NRCAM: variants seen among roughly 807,000 people sequenced by gnomAD.
NRCAM encodes neuronal cell adhesion molecule.
In NRCAM, 83 loss-of-function variants were observed where a neutral mutation model predicts 156.5. That is an observed-to-expected ratio of 0.53 (90% CI 0.44 to 0.64). NRCAM has a LOEUF of 0.64. Ranked by LOEUF, NRCAM falls within the 30% of genes least tolerant of loss-of-function variation. The pLI, the probability that NRCAM is intolerant of heterozygous loss-of-function variation, is 0.00. For missense variants in NRCAM, 1,417 were observed against 1,597.3 expected, an observed-to-expected ratio of 0.89 and a Z score of 1.92; for synonymous variants, 538 against 563.9, an observed-to-expected ratio of 0.95 and a Z score of 0.65.
chr7:108,353,532 GCTGGTCTTGAA>G (rs1469446581), intron 2 of NRCAM, among the ~76,000 whole-genome samples: 3 of 151,944 alleles, frequency 2.0e-5, no homozygotes, highest in African/African-American at 2.4e-5. Flanking sequence ...TGTTGCCTAG[GCTGGTCTTGAA>G]CTCCTGGGCT....
At chr7:108,334,988 T>C (rs1280202527) in intron 2 of NRCAM, among the ~76,000 whole-genome samples, 1 of 152,218 alleles carries the variant, frequency 6.6e-6, no homozygotes, top group Non-Finnish European at 1.5e-5. Flanking sequence ...TGTTGAACCC[T>C]TCTATCACTG....
rs1164513913 is a variant in NRCAM, at chr7:108,184,531, C to A, written c.2119G>T (p.Ala707Ser). 6.2e-7 allele frequency: 1 copy of A among 1,614,078 alleles called. No individual in the cohort carries two copies. The highest frequency in any genetic ancestry group is 8.5e-7 in the Non-Finnish European group (1 of 1,180,010). The change falls in exon 21 of 33, where the codon GCC becomes TCC. Residue 707 changes from alanine to serine, a missense_variant. Physicochemically the swap from Ala to Ser is moderately conservative, Grantham distance 99 (BLOSUM62 1). Coordinates refer to ENST00000379028, the MANE Select transcript of NRCAM (RefSeq NM_001037132.4). ...QTEVSGTQTT[A>S]QLKLSPYVNY... ...ACGTAAGGAGACAGCTTCAGCTGGGCTGTGGTCTGTGTTCCAGAAACTTCA... is the reference window on the plus strand; with the variant it reads ...ACGTAAGGAGACAGCTTCAGCTGGGATGTGGTCTGTGTTCCAGAAACTTCA...
intron 3 of NRCAM, among the ~76,000 whole-genome samples, chr7:108,298,756 A>C (rs1158204203): frequency 6.6e-6 from 1 of 151,760 alleles, no homozygotes; most frequent in Non-Finnish European, 1.5e-5. Context: ...TAAGGATTTA[A>C]ATTTTCCTTC....
At chr7:108,434,801 A>T (rs1296092182) in intron 1 of NRCAM, among the ~76,000 whole-genome samples, 1 of 152,156 alleles carries the variant, frequency 6.6e-6, no homozygotes, top group East Asian at 1.9e-4. Context: ...TTTTTTAAGT[A>T]AAAAAAGAAA....
At chr7:108,331,365 T>G (rs1228524431) in intron 2 of NRCAM, among the ~76,000 whole-genome samples, 1 of 151,994 alleles carries the variant, frequency 6.6e-6, no homozygotes, top group Non-Finnish European at 1.5e-5. Context: ...TGCACCACTG[T>G]ACTCCATCCT....
intron 30 of NRCAM, among the ~76,000 whole-genome samples, chr7:108,164,365 A>G (rs958678460): frequency 6.6e-6 from 1 of 152,134 alleles, no homozygotes; most frequent in African/African-American, 2.4e-5. Flanking sequence ...CCAGGGTATA[A>G]AAGGGAGAGA....
At chr7:108,410,573 C>G (rs1794156375) in intron 1 of NRCAM, among the ~76,000 whole-genome samples, 1 of 152,168 alleles carries the variant, frequency 6.6e-6, no homozygotes, top group Admixed American at 6.6e-5. Flanking sequence ...GGGCCTTGAT[C>G]AATTTTTAAA....
intron 3 of NRCAM, among the ~76,000 whole-genome samples, chr7:108,245,795 T>C (rs757420439): frequency 6.6e-6 from 1 of 152,220 alleles, no homozygotes; most frequent in Non-Finnish European, 1.5e-5. Context: ...CCAAGGTCTT[T>C]TGGAGTGAAA....
At chr7:108,227,635 C>A (rs1361857372) in intron 8 of NRCAM, among the ~76,000 whole-genome samples, 2 of 152,034 alleles carry the variant, frequency 1.3e-5, no homozygotes, top group Non-Finnish European at 2.9e-5. Flanking sequence ...TCACACTTAG[C>A]CAGCTAATGG....
chr7:108,359,026 T>C (rs1477751378), intron 2 of NRCAM, among the ~76,000 whole-genome samples: 4 of 152,226 alleles, frequency 2.6e-5, no homozygotes, highest in Non-Finnish European at 5.9e-5. Flanking sequence ...CCTCCTACCA[T>C]ATTTTGTCTA....
chr7:108,398,091 GT>G (rs2099782045), intron 2 of NRCAM, among the ~76,000 whole-genome samples: 1 of 152,166 alleles, frequency 6.6e-6, no homozygotes, highest in Admixed American at 6.5e-5. Flanking sequence ...AATGTTTCTA[GT>G]TCTGAATCTT....
intron 2 of NRCAM, among the ~76,000 whole-genome samples, chr7:108,387,292 G>C (rs2099743701): frequency 6.6e-6 from 1 of 152,090 alleles, no homozygotes; most frequent in African/African-American, 2.4e-5. Flanking sequence ...ATTTAAAATT[G>C]CAAGTGATGC....
chr7:108,308,547 G>C (rs898624993), intron 3 of NRCAM, among the ~76,000 whole-genome samples: 5 of 152,126 alleles, frequency 3.3e-5, no homozygotes, highest in Non-Finnish European at 4.4e-5. Context: ...GGGAGGAGAG[G>C]GGGGAACACA....
At chr7:108,387,334 G>C (rs907370632) in intron 2 of NRCAM, among the ~76,000 whole-genome samples, 1 of 152,082 alleles carries the variant, frequency 6.6e-6, no homozygotes, top group Non-Finnish European at 1.5e-5. Flanking sequence ...TCTACCAAAG[G>C]AAATGTTGTA....
At chr7:108,206,864 T>C (rs1272802977) in intron 13 of NRCAM, among the ~76,000 whole-genome samples, 1 of 152,090 alleles carries the variant, frequency 6.6e-6, no homozygotes, top group Non-Finnish European at 1.5e-5. Context: ...GAGTGGAGCA[T>C]CGGAGCAGGG....
chr7:108,226,686 G>C (rs376889549), intron 8 of NRCAM, among the ~76,000 whole-genome samples: 41 of 152,206 alleles, frequency 2.7e-4, no homozygotes, highest in African/African-American at 9.4e-4. Flanking sequence ...AAAAGTTGGC[G>C]TGACTTTTCC....
At chr7:108,429,000 G>A (rs1300581688) in intron 1 of NRCAM, among the ~76,000 whole-genome samples, 1 of 151,656 alleles carries the variant, frequency 6.6e-6, no homozygotes, top group Non-Finnish European at 1.5e-5. Context: ...CATTTCTCCA[G>A]ACCATAAAGA....
At chr7:108,361,777 G>A (rs2099553000) in intron 2 of NRCAM, among the ~76,000 whole-genome samples, 1 of 152,086 alleles carries the variant, frequency 6.6e-6, no homozygotes. Flanking sequence ...ATATGTAAAT[G>A]TACGTATATA....
intron 1 of NRCAM, among the ~76,000 whole-genome samples, chr7:108,444,756 CTA>C (rs1842543027): frequency 6.6e-6 from 1 of 152,170 alleles, no homozygotes; most frequent in Non-Finnish European, 1.5e-5. Flanking sequence ...CTCACTTTAA[CTA>C]TAAAGACCCT....
Sources: allele counts gnomAD v4.1 joint callset (sites outside exome capture counted in the v4.1 genomes callset), GRCh38; gene constraint gnomAD v4.1.1; transcripts MANE v1.5; gene names NCBI Gene and HGNC (gene_info 2026-07-23, HGNC 2026-07-21).